Variants in ODF2L observed in about 807,000 individuals in gnomAD.
ODF2L encodes the protein outer dense fiber of sperm tails 2 like.
Under a neutral mutation model 86.3 loss-of-function variants are expected in ODF2L, and 76 were observed. The observed-to-expected ratio is 0.88, with a 90% CI of 0.73 to 1.07. The LOEUF is 1.07. Among genes scored for constraint, ODF2L ranks in the 50% least tolerant of loss-of-function variants. The pLI is 0.00. For synonymous variants in ODF2L, 241 were observed against 231.3 expected (o/e 1.04, Z -0.38); for missense variants, 748 against 717.4 (o/e 1.04, Z -0.49).
chr1:86,359,675 C>T (rs1658891231), intron 12 of ODF2L, among the ~76,000 whole-genome samples: 1 of 152,080 alleles, frequency 6.6e-6, no homozygotes, highest in Non-Finnish European at 1.5e-5. Context: ...AGGTGCATGT[C>T]ACCACACCTG....
At chr1:86,356,645 C>A in intron 13 of ODF2L, 43 bp from the exon 13 acceptor site, 1 of 1,551,600 alleles carries the variant, frequency 6.4e-7, no homozygotes, top group Non-Finnish European at 8.8e-7. Context: ...ATCACACATT[C>A]AGCATTAATA....
chr1:86,360,000 C>T (rs1292199501), intron 12 of ODF2L, among the ~76,000 whole-genome samples: 1 of 152,100 alleles, frequency 6.6e-6, no homozygotes, highest in Non-Finnish European at 1.5e-5. Context: ...ATGTTCTTTT[C>T]TTGGTCTTTC....
chr1:86,361,297 A>T (rs956064693), intron 11 of ODF2L, among the ~76,000 whole-genome samples: 5 of 152,228 alleles, frequency 3.3e-5, no homozygotes, highest in African/African-American at 1.2e-4. Context: ...CCACAGAGCA[A>T]CCCAGAGGCC....
chr1:86,374,703 T>G (rs1180348942), intron 8 of ODF2L, among the ~76,000 whole-genome samples: 1 of 152,196 alleles, frequency 6.6e-6, no homozygotes, highest in Non-Finnish European at 1.5e-5. Flanking sequence ...TCCACTGCAT[T>G]GAAACTGCAT....
Position 86,376,499 on chromosome 1 carries a change from G to C in ODF2L, c.625-81C>G. 3 of 845,308 alleles carry C rather than the reference G, an allele frequency of 3.5e-6. No individual in the cohort carries two copies. The South Asian group carries it at 5.5e-5, about 15-fold the overall frequency. The allele number at this position is 845,308 out of a possible 1,614,324, so 52.4% of individuals were successfully genotyped here. On this transcript the variant is annotated intron_variant, in intron 7 of 17. Coordinates refer to ENST00000317336, the Ensembl canonical transcript of ODF2L. ...ACATTGTAAAAATATGTACATAACT[G>C]ATATGGTTTGTGTATTACTCCATTC...
chr1:86,382,321 A>G, exon 7 of ODF2L: 1 of 1,612,096 alleles, frequency 6.2e-7, no homozygotes, highest in Non-Finnish European at 8.5e-7. Flanking sequence ...TACTACTTTT[A>G]CTGATTGGGA....
exon 18 of ODF2L, chr1:86,352,115 AT>A (rs1658177669): frequency 6.8e-7 from 1 of 1,460,762 alleles, no homozygotes; most frequent in African/African-American, 1.4e-5. Flanking sequence ...CAAATTGTGC[AT>A]GCCAAAAATC....
At chr1:86,394,198 T>C (rs972339296) in intron 1 of ODF2L, among the ~76,000 whole-genome samples, 3 of 152,142 alleles carry the variant, frequency 2.0e-5, no homozygotes, top group Non-Finnish European at 4.4e-5. Context: ...AGTAAGGAAT[T>C]GGTGGAACTC....
exon 3 of ODF2L, chr1:86,385,557 T>C: frequency 6.2e-7 from 1 of 1,611,604 alleles, no homozygotes; most frequent in East Asian, 2.2e-5. Context: ...TTGCTTCCAA[T>C]TCAGTCTTTT....
chr1:86,369,506 G>A (rs1659653808), intron 10 of ODF2L, among the ~76,000 whole-genome samples: 2 of 152,010 alleles, frequency 1.3e-5, no homozygotes, highest in South Asian at 4.2e-4. Flanking sequence ...CTTTCCACCT[G>A]GAACAAAACA....
At chr1:86,354,577 C>T in exon 16 of ODF2L, 1 of 1,608,938 alleles carries the variant, frequency 6.2e-7, no homozygotes, top group Non-Finnish European at 8.5e-7. Context: ...CTGGCCAATG[C>T]TGTATACTCT....
At position 86,358,161 on chromosome 1, in the gene ODF2L, C is replaced by T. The variant is rs1257533890; in HGVS notation, c.1359+626G>A. ...CCTTATTAGATTCAGATGGAAGCGA[C>T]CACTAACATCGCATGACCTCTGCTG... On this transcript the variant is annotated intron_variant, in intron 13 of 17. Transcript: ENST00000317336. 7 of 823,082 alleles carry T rather than the reference C, an allele frequency of 8.5e-6. No individual in the cohort carries two copies. The East Asian group carries it at 3.7e-4, about 44-fold the overall frequency. The allele number at this position is 823,082 out of a possible 1,614,324, so 51.0% of individuals were successfully genotyped here.
intron 11 of ODF2L, among the ~76,000 whole-genome samples, chr1:86,362,776 C>T (rs1558019850): frequency 6.6e-6 from 1 of 152,190 alleles, no homozygotes; most frequent in Non-Finnish European, 1.5e-5. Flanking sequence ...TCTCCTGCCT[C>T]AGCCTCCCCA....
At chr1:86,388,926 T>C (rs1461111878) in intron 1 of ODF2L, among the ~76,000 whole-genome samples, 2 of 152,124 alleles carry the variant, frequency 1.3e-5, no homozygotes, top group African/African-American at 4.8e-5. Context: ...TTACATTTAC[T>C]GATTTCTCAA....
chr1:86,376,168 A>G, intron 8 of ODF2L, 65 bp downstream of exon 8: 1 of 818,622 alleles, frequency 1.2e-6, no homozygotes. Context: ...AAGCATCATG[A>G]TATTAATTAT....
At chr1:86,368,415 A>G (rs1659587017) in intron 11 of ODF2L, among the ~76,000 whole-genome samples, 1 of 152,138 alleles carries the variant, frequency 6.6e-6, no homozygotes, top group South Asian at 2.1e-4. Flanking sequence ...TGATAAACCA[A>G]GGAGTATAAT....
chr1:86,367,419 G>C (rs979566911), intron 11 of ODF2L, among the ~76,000 whole-genome samples: 6 of 152,090 alleles, frequency 3.9e-5, no homozygotes, highest in Non-Finnish European at 8.8e-5. Flanking sequence ...GAAAATTCCA[G>C]CATGGCATCT....
At chr1:86,366,391 TACACACACACAC>T (rs71643841) in intron 11 of ODF2L, among the ~76,000 whole-genome samples, 131 of 119,366 alleles carry the variant, frequency 1.1e-3, no homozygotes, top group African/African-American at 2.7e-3. Flanking sequence ...AGACCCCACC[TACACACACACAC>T]ACACACACAC....
At chr1:86,367,634 G>C (rs1264357912) in intron 11 of ODF2L, among the ~76,000 whole-genome samples, 1 of 150,992 alleles carries the variant, frequency 6.6e-6, no homozygotes, top group Admixed American at 6.6e-5. Flanking sequence ...AGGGTTTTTG[G>C]AAACTCCAGG....
Sources: gnomAD v4.1 joint callset for allele counts (sites outside exome capture counted in the v4.1 genomes callset) on GRCh38, gnomAD v4.1.1 for gene constraint, MANE v1.5 for transcripts, NCBI Gene and HGNC (gene_info 2026-07-23, HGNC 2026-07-21) for gene names.